MEIS2: variants seen among roughly 807,000 people sequenced by gnomAD.
MEIS2 encodes homeobox protein Meis2.
In MEIS2, 9 loss-of-function variants were observed where a neutral mutation model predicts 58.6. The ratio of observed to expected loss-of-function variants is 0.15; its 90% CI spans 0.09 to 0.27. The LOEUF is 0.27. Among genes scored for constraint, MEIS2 ranks in the 10% least tolerant of loss-of-function variants. MEIS2 has a pLI of 1.00. For missense variants in MEIS2, 427 were observed against 635.0 expected (o/e 0.67, Z 3.52); for synonymous variants, 221 against 228.4 (o/e 0.97, Z 0.29).
intron 9 of MEIS2, among the ~76,000 whole-genome samples, chr15:36,926,959 A>G (rs1251370322): frequency 6.6e-6 from 1 of 152,222 alleles, no homozygotes; most frequent in Non-Finnish European, 1.5e-5. Context: ...TCCAAAAAGC[A>G]TCTGAATTGG....
intron 3 of MEIS2, chr15:37,096,028 A>G: frequency 2.1e-6 from 1 of 468,346 alleles, no homozygotes. Flanking sequence ...GAAAAAGGCC[A>G]AGCCCCAGAT....
At chr15:36,910,209 C>G (rs1401344744) in intron 9 of MEIS2, among the ~76,000 whole-genome samples, 1 of 151,998 alleles carries the variant, frequency 6.6e-6, no homozygotes, top group Non-Finnish European at 1.5e-5. Flanking sequence ...TTGTCTCAAC[C>G]CCCAAAACAA....
At chr15:36,948,004 G>A (rs1467373159) in intron 9 of MEIS2, among the ~76,000 whole-genome samples, 1 of 151,830 alleles carries the variant, frequency 6.6e-6, no homozygotes, top group Admixed American at 6.6e-5. Context: ...TTAAATTCTT[G>A]GTAGTTTTTT....
At chr15:37,096,920 C>T (rs1450914958) in intron 2 of MEIS2, among the ~76,000 whole-genome samples, 2 of 152,188 alleles carry the variant, frequency 1.3e-5, no homozygotes, top group South Asian at 2.1e-4. Context: ...TACATACACA[C>T]CGGAGTGACA....
chr15:36,985,576 A>G (rs2060068192), intron 8 of MEIS2, among the ~76,000 whole-genome samples: 2 of 152,190 alleles, frequency 1.3e-5, no homozygotes, highest in African/African-American at 4.8e-5. Flanking sequence ...TGAAATTCAC[A>G]GTCCGCACTG....
In MEIS2 at chr15:37,036,938, A is replaced by G. The variant is rs1435798806; in HGVS notation, c.776T>C (p.Val259Ala). The stretch of plus-strand genomic sequence containing the variant: ...ATCGTCACCTGTACCAGGTGAAGCT[A>G]CACTGTTGTCTAAACCATCCCCTAG... Reference protein sequence around the residue: ...SEQGDGLDNSVASPGTGDDDD... With the variant: ...SEQGDGLDNSAASPGTGDDDD... Residue 259 changes from valine to alanine, a missense_variant, in exon 8 of 12, where the codon GTA (valine) becomes GCA (alanine). Physicochemically the swap from Val to Ala is moderately conservative, Grantham distance 64 (BLOSUM62 0). Coordinates refer to ENST00000561208, the MANE Select transcript of MEIS2 (RefSeq NM_170675.5). The G allele has an allele frequency of 1.9e-6, 3 of 1,612,670 alleles. No individual in the cohort carries two copies. Among genetic ancestry groups the G allele is most frequent in the East Asian group, 2.2e-5 (1 of 44,858 alleles).
At chr15:37,043,657 T>C (rs1349342739) in intron 7 of MEIS2, among the ~76,000 whole-genome samples, 1 of 151,632 alleles carries the variant, frequency 6.6e-6, no homozygotes, top group Non-Finnish European at 1.5e-5. Flanking sequence ...ACCAGTTCTC[T>C]ATCTCTAGAA....
At chr15:36,960,989 C>T (rs926220939) in intron 8 of MEIS2, among the ~76,000 whole-genome samples, 3 of 152,056 alleles carry the variant, frequency 2.0e-5, no homozygotes, top group Admixed American at 1.3e-4. Flanking sequence ...TTTGGAACTC[C>T]CCACAGTTTT....
At chr15:37,057,416 C>T (rs1470131882) in intron 7 of MEIS2, among the ~76,000 whole-genome samples, 1 of 152,216 alleles carries the variant, frequency 6.6e-6, no homozygotes, top group Non-Finnish European at 1.5e-5. Context: ...TGTCTCTCTA[C>T]TTGCTGACTT....
chr15:36,994,980 T>C (rs1308377302), intron 8 of MEIS2, among the ~76,000 whole-genome samples: 3 of 152,220 alleles, frequency 2.0e-5, no homozygotes, highest in Non-Finnish European at 4.4e-5. Flanking sequence ...CCATTAGGCA[T>C]CTAACTACCT....
At chr15:36,943,837 C>G (rs983054633) in intron 9 of MEIS2, among the ~76,000 whole-genome samples, 10 of 152,034 alleles carry the variant, frequency 6.6e-5, no homozygotes, top group African/African-American at 2.4e-4. Flanking sequence ...CCCTTTGAGT[C>G]CCCTCGCTGG....
chr15:37,099,156 G>T, intron 1 of MEIS2: 1 of 1,208,328 alleles, frequency 8.3e-7, no homozygotes, highest in Non-Finnish European at 1.0e-6. Context: ...AGGCGAAAGC[G>T]TGTAACGATT....
chr15:37,008,237 G>A lies in MEIS2; in HGVS notation c.900+28577C>T, dbSNP rs765746028. 1.4e-3 allele frequency among the ~76,000 whole-genome samples: 208 copies of A among 152,132 alleles called. 1 individual carries two copies. The highest frequency in any genetic ancestry group is 2.0e-3 in the Non-Finnish European group (134 of 68,024). ...TTCGCTCTAGGACAATGAACTTGGC[G>A]TTACATTTTTGACTGATTTATAAAT... On this transcript the variant is annotated intron_variant, in intron 8 of 11. Transcript: ENST00000561208.
chr15:37,096,086 TG>T (rs566403600), intron 3 of MEIS2: 18 of 554,616 alleles, frequency 3.2e-5, no homozygotes, highest in African/African-American at 1.7e-4. Flanking sequence ...GTATTCCTGC[TG>T]GGGGGGAAAA....
chr15:37,099,576 G>A lies in MEIS2; in HGVS notation c.-110C>T, dbSNP rs1191917659. ...CTTTTTTTTTTTTCCAAACCAAAGAGACTTCTCCCAATTCTCCAATATGCT... is the reference window on the plus strand; with the variant it reads ...CTTTTTTTTTTTTCCAAACCAAAGAAACTTCTCCCAATTCTCCAATATGCT... On this transcript the variant is annotated 5_prime_UTR_variant, in exon 1 of 12. Transcript: ENST00000561208. 2 of 1,494,420 alleles carry A rather than the reference G, an allele frequency of 1.3e-6. No individual in the cohort carries two copies. The highest frequency in any genetic ancestry group is 2.0e-5 in the Admixed American group (1 of 50,572). 92.6% of individuals were successfully genotyped at this position (1,494,420 alleles called of 1,614,324 possible). A position where few individuals can be genotyped will look rare whatever the true frequency, so the allele number is the denominator to read the frequency against.
At position 36,892,125 on chromosome 15, in the gene MEIS2, T is replaced by G. The variant is rs774206300; in HGVS notation, c.*48A>C. ...ACATCTGGTCAAAGTTCAGAAAGTC[T>G]TAAAATAGTTTTTGCGTGTGTTTCC... On this transcript the variant is annotated 3_prime_UTR_variant, in exon 12 of 12. Transcript: ENST00000561208. 81 of 1,591,442 alleles carry G rather than the reference T, an allele frequency of 5.1e-5. No individual in the cohort carries two copies. The highest frequency in any genetic ancestry group is 6.8e-5 in the Non-Finnish European group (79 of 1,161,272).
chr15:36,897,647 T>G (rs1468773712), intron 9 of MEIS2: 4 of 152,230 alleles, frequency 2.6e-5, no homozygotes, highest in Admixed American at 1.3e-4. Context: ...GAGTTACCCT[T>G]GTCCCTGTGC....
chr15:36,948,585 T>C (rs776682061), intron 9 of MEIS2, among the ~76,000 whole-genome samples: 8 of 151,962 alleles, frequency 5.3e-5, no homozygotes, highest in Non-Finnish European at 1.0e-4. Context: ...TGTACAAAAA[T>C]TATGATTCTA....
At chr15:36,921,815 C>A (rs544000125) in intron 9 of MEIS2, among the ~76,000 whole-genome samples, 9 of 152,020 alleles carry the variant, frequency 5.9e-5, no homozygotes, top group African/African-American at 2.2e-4. Flanking sequence ...GACTCAAGTG[C>A]TGGTTGGAAG....
Sources: gnomAD v4.1 joint callset for allele counts (sites outside exome capture counted in the v4.1 genomes callset) on GRCh38, gnomAD v4.1.1 for gene constraint, MANE v1.5 for transcripts, NCBI Gene and HGNC (gene_info 2026-07-23, HGNC 2026-07-21) for gene names.